Variants in HSD17B4 observed in about 807,000 individuals in gnomAD.
HSD17B4 encodes the protein hydroxysteroid 17-beta dehydrogenase 4.
A neutral mutation model predicts 101.0 loss-of-function variants in HSD17B4; 70 were observed. That is an observed-to-expected ratio of 0.69 (90% CI 0.57 to 0.85). HSD17B4 has a LOEUF of 0.85. HSD17B4 is among the 40% of genes least tolerant of loss of function. The pLI is 0.00. For missense variants in HSD17B4, 984 were observed against 892.4 expected, an observed-to-expected ratio of 1.10 and a Z score of -1.31; for synonymous variants, 347 against 297.1, an observed-to-expected ratio of 1.17 and a Z score of -1.73.
intron 20 of HSD17B4, among the ~76,000 whole-genome samples, chr5:119,529,563 A>C (rs1043914116): frequency 1.5e-5 from 2 of 135,906 alleles, no homozygotes; most frequent in African/African-American, 4.9e-5. Flanking sequence ...TCCCCCCCAA[A>C]AAATGCCCAA....
At chr5:119,464,819 C>T (rs1233048511) in intron 2 of HSD17B4, 1 of 152,194 alleles carries the variant, frequency 6.6e-6, no homozygotes, top group African/African-American at 2.4e-5. Flanking sequence ...TGGTCTCGAT[C>T]TTTTGACCTC....
intron 19 of HSD17B4, 130 bp downstream of exon 19, chr5:119,526,153 G>T (rs1264319819): frequency 3.0e-6 from 2 of 677,728 alleles, no homozygotes; most frequent in African/African-American, 1.8e-5. Flanking sequence ...TTATTTCATT[G>T]ACCTGGCAAT....
At chr5:119,473,311 C>T (rs879410629) in intron 2 of HSD17B4, among the ~76,000 whole-genome samples, 74 of 48,530 alleles carry the variant, frequency 1.5e-3, no homozygotes, top group Middle Eastern at 0.016. Context: ...TTCTTCCCTG[C>T]TCCTTTTTTT....
intron 17 of HSD17B4, among the ~76,000 whole-genome samples, chr5:119,520,653 C>G (rs1753036302): frequency 6.6e-6 from 1 of 152,152 alleles, no homozygotes; most frequent in Non-Finnish European, 1.5e-5. Context: ...TGCCTGCTGT[C>G]CAATGTCTAG....
In HSD17B4 at chr5:119,479,119, A is replaced by G. The variant is rs534689065; in HGVS notation, c.622+98A>G. The G allele has an allele frequency of 1.0e-4, 93 of 926,834 alleles. No individual in the cohort carries two copies. The South Asian group carries it at 1.2e-3, about 12-fold the overall frequency. The allele number at this position is 926,834 out of a possible 1,614,324, so 57.4% of individuals were successfully genotyped here. On this transcript the variant is annotated intron_variant, in intron 8 of 23. Transcript: ENST00000510025. ...TTAATTTTCTGAATACTTAAAAATT[A>G]TTATTTTTTTCAATTTCGAAAGCAT...
chr5:119,525,919 T>G lies in HSD17B4; in HGVS notation c.1576T>G (p.Phe526Val), dbSNP rs779292674. ...CTCAGTGTTCTCTCTTTTCCTAGGT[T>G]TTGACAAGCCCATATTACATGGATT... ...IDPNFASLAG[F>V]DKPILHGLCT... The change falls in exon 19 of 24, where the codon TTT becomes GTT. Residue 526 changes from phenylalanine (F) to valine (V), a missense_variant and splice_region_variant. Phe to Val is a conservative substitution (Grantham distance 50). Coordinates refer to ENST00000510025, the MANE Select transcript of HSD17B4 (RefSeq NM_000414.4). 1 of 1,592,054 alleles carries G rather than the reference T, an allele frequency of 6.3e-7. No individual in the cohort carries two copies. Among genetic ancestry groups the G allele is most frequent in the Non-Finnish European group, 8.6e-7 (1 of 1,160,162 alleles).
chr5:119,474,464 A>G lies in HSD17B4; in HGVS notation c.280+4A>G, dbSNP rs759020197. On this transcript the variant is annotated splice_donor_region_variant and intron_variant, in intron 4 of 23. Transcript: ENST00000510025. ...CTGGATGCTTTTGGAAGAATAGGTG[A>G]TGTTTCTTTGTGTTATGGCTCTTGT... The G allele has an allele frequency of 3.2e-6, 5 of 1,583,822 alleles. No individual in the cohort carries two copies. The highest frequency in any genetic ancestry group is 1.3e-5 in the African/African-American group (1 of 74,426).
intron 8 of HSD17B4, among the ~76,000 whole-genome samples, chr5:119,485,442 C>T (rs1028595631): frequency 6.6e-6 from 1 of 152,118 alleles, no homozygotes; most frequent in African/African-American, 2.4e-5. Context: ...GATCTGTTTT[C>T]TCTTCCACAA....
chr5:119,473,273 CTTT>C (rs11408993), intron 2 of HSD17B4, among the ~76,000 whole-genome samples: 1 of 36,964 alleles, frequency 2.7e-5, no homozygotes, highest in Non-Finnish European at 4.6e-5. Context: ...GTGGATGAAT[CTTT>C]TTTTTTTTTT....
At chr5:119,492,913 A>C (rs1277517091) in intron 10 of HSD17B4, 1 of 152,150 alleles carries the variant, frequency 6.6e-6, no homozygotes, top group Non-Finnish European at 1.5e-5. Flanking sequence ...TAACTGAATC[A>C]GTTAAAAGGT....
chr5:119,504,973 G>A (rs1276045518), intron 14 of HSD17B4, among the ~76,000 whole-genome samples: 1 of 152,122 alleles, frequency 6.6e-6, no homozygotes, highest in African/African-American at 2.4e-5. Flanking sequence ...CATATGGCTA[G>A]CCAGTTATCT....
chr5:119,538,638 A>G (rs1007689283), intron 23 of HSD17B4, among the ~76,000 whole-genome samples: 7 of 152,094 alleles, frequency 4.6e-5, no homozygotes, highest in African/African-American at 1.4e-4. Context: ...GCTTCATCCC[A>G]TGCCACTTGC....
At chr5:119,468,887 TCTG>T (rs1756074130) in intron 2 of HSD17B4, among the ~76,000 whole-genome samples, 1 of 151,756 alleles carries the variant, frequency 6.6e-6, no homozygotes, top group South Asian at 2.1e-4. Context: ...CTTGATGTAG[TCTG>T]TTGTTGAAGC....
At chr5:119,469,482 T>C (rs1196357276) in intron 2 of HSD17B4, among the ~76,000 whole-genome samples, 1 of 152,168 alleles carries the variant, frequency 6.6e-6, no homozygotes, top group Non-Finnish European at 1.5e-5. Flanking sequence ...GCCTCCTTAG[T>C]AGTTGGGACT....
At chr5:119,494,329 C>CTTTCT (rs1554064688) in intron 11 of HSD17B4, among the ~76,000 whole-genome samples, 59 of 75,286 alleles carry the variant, frequency 7.8e-4, no homozygotes, top group African/African-American at 3.1e-3. Flanking sequence ...TCTTTCTTTT[C>CTTTCT]TTTCTTTCTT....
intron 17 of HSD17B4, among the ~76,000 whole-genome samples, chr5:119,522,737 T>C (rs1477279796): frequency 1.3e-5 from 2 of 152,170 alleles, no homozygotes; most frequent in African/African-American, 4.8e-5. Context: ...CTCTTGCTTC[T>C]TTTTTTCTTC....
intron 23 of HSD17B4, 99 bp from the exon 24 acceptor site, chr5:119,541,806 G>T: frequency 1.3e-6 from 1 of 747,328 alleles, no homozygotes; most frequent in Non-Finnish European, 2.3e-6. Context: ...AGAATTATTA[G>T]CTCAATTGTA....
intron 8 of HSD17B4, among the ~76,000 whole-genome samples, chr5:119,487,614 C>T (rs1251837905): frequency 6.6e-6 from 1 of 151,986 alleles, no homozygotes; most frequent in East Asian, 1.9e-4. Flanking sequence ...AACTGCAAGG[C>T]AGACGTATTT....
intron 2 of HSD17B4, among the ~76,000 whole-genome samples, chr5:119,465,715 G>GT (rs1755740822): frequency 3.3e-5 from 5 of 152,310 alleles, no homozygotes; most frequent in Admixed American, 1.3e-4. Context: ...AGTTCTAAGA[G>GT]TTTTTTGATG....
Sources: allele counts gnomAD v4.1 joint callset (sites outside exome capture counted in the v4.1 genomes callset), GRCh38; gene constraint gnomAD v4.1.1; transcripts MANE v1.5; gene names NCBI Gene and HGNC (gene_info 2026-07-23, HGNC 2026-07-21).